Variants in KIAA2012 observed in about 807,000 individuals in gnomAD.
The protein encoded by KIAA2012 is uncharacterized protein KIAA2012.
Under a neutral mutation model 150.6 loss-of-function variants are expected in KIAA2012, and 125 were observed. The observed-to-expected ratio is 0.83, with a 90% CI of 0.72 to 0.96. The LOEUF (loss-of-function observed/expected upper bound fraction) is 0.96. Among genes scored for constraint, KIAA2012 ranks in the 40% least tolerant of loss-of-function variants. The pLI is 0.00. For missense variants in KIAA2012, 1,219 were observed against 1,354.9 expected, an observed-to-expected ratio of 0.90 and a Z score of 1.57; for synonymous variants, 462 against 504.7, an observed-to-expected ratio of 0.92 and a Z score of 1.13.
intron 15 of KIAA2012, chr2:202,179,598 A>C (rs1400456662): frequency 1.5e-6 from 1 of 666,412 alleles, no homozygotes; most frequent in Non-Finnish European, 2.9e-6. Flanking sequence ...TTGTGTACCA[A>C]GTGCCCATTC....
intron 7 of KIAA2012, among the ~76,000 whole-genome samples, chr2:202,100,967 G>T (rs1690027970): frequency 6.6e-6 from 1 of 152,166 alleles, no homozygotes; most frequent in Non-Finnish European, 1.5e-5. Context: ...GTCCTGCCTT[G>T]CAGTTCTATG....
At chr2:202,190,121 G>T in intron 18 of KIAA2012, 53 bp from the exon 19 acceptor site, 1 of 1,379,420 alleles carries the variant, frequency 7.2e-7, no homozygotes, top group South Asian at 1.5e-5. Flanking sequence ...GATGTATAGT[G>T]ATCACATTAA....
intron 21 of KIAA2012, among the ~76,000 whole-genome samples, chr2:202,195,052 G>A (rs1428934872): frequency 6.6e-6 from 1 of 151,954 alleles, no homozygotes; most frequent in Non-Finnish European, 1.5e-5. Context: ...ACAGGTGTGA[G>A]CCACCGTGCT....
At chr2:202,139,876 C>T (rs1350278598) in intron 13 of KIAA2012, among the ~76,000 whole-genome samples, 2 of 152,192 alleles carry the variant, frequency 1.3e-5, no homozygotes, top group African/African-American at 2.4e-5. Context: ...ACCCTAAACA[C>T]ACCCCAAATT....
At position 202,099,628 on chromosome 2, in the gene KIAA2012, A is replaced by G. The variant is rs758401128; in HGVS notation, c.844A>G (p.Asn282Asp). 191 of 1,549,930 alleles carry G rather than the reference A, an allele frequency of 1.2e-4. No homozygotes were observed. Among genetic ancestry groups the G allele is most frequent in the Non-Finnish European group, 1.6e-4 (181 of 1,146,702 alleles). Reference protein sequence around the residue: ...ETQAEDTSIENHLCLYASKES... With the variant: ...ETQAEDTSIEDHLCLYASKES... Reference sequence around the variant, plus strand: ...CGTTCCCTAGGACACGTCAATAGAGAATCACCTTTGTTTATATGCTTCAAA... The same window carrying G: ...CGTTCCCTAGGACACGTCAATAGAGGATCACCTTTGTTTATATGCTTCAAA... Residue 282 changes from asparagine to aspartate, a missense_variant, in exon 6 of 24, where the codon AAT (asparagine) becomes GAT (aspartate). Transcript: ENST00000498697.
At chr2:202,186,544 T>C (rs1692232193) in intron 16 of KIAA2012, among the ~76,000 whole-genome samples, 1 of 151,970 alleles carries the variant, frequency 6.6e-6, no homozygotes, top group Admixed American at 6.6e-5. Flanking sequence ...TCAGAGGGCA[T>C]AAAGGAATGA....
chr2:202,104,530 T>G lies in KIAA2012; in HGVS notation c.1325-1231T>G, dbSNP rs1191216373. Among the ~76,000 whole-genome samples, 1 of 152,186 alleles carries G rather than the reference T, an allele frequency of 6.6e-6. No homozygotes were observed. The highest frequency in any genetic ancestry group is 6.5e-5 in the Admixed American group (1 of 15,280). ...TATTGTGGTTTTCACAGAAGGAATA[T>G]GGGCAAGGCAGAGCAAGCAGCCTAA... On this transcript the variant is annotated intron_variant, in intron 8 of 23. Coordinates refer to ENST00000498697, the MANE Select transcript of KIAA2012 (RefSeq NM_001277372.4). This position sits in a 1 kb window ranked among gnomAD's most constrained non-coding sequence, Gnocchi z 4.3.
intron 15 of KIAA2012, among the ~76,000 whole-genome samples, chr2:202,169,892 G>T (rs1370496996): frequency 6.6e-6 from 1 of 152,146 alleles, no homozygotes; most frequent in Non-Finnish European, 1.5e-5. Flanking sequence ...CTGGGCCTTG[G>T]TCTCCTTTCC....
In KIAA2012 at chr2:202,073,508, GC is replaced by G. The variant is rs1189030585; in HGVS notation, c.-117del. The stretch of plus-strand genomic sequence containing the variant: ...GAGGGAAAAATGTATTTAATAAAAG[GC>G]CCTGTGTTTGTGGTCTTCTTGGGCT... On this transcript the variant is annotated 5_prime_UTR_variant, in exon 1 of 24. An upstream open reading frame in the 5' UTR loses its in-frame stop. Transcript: ENST00000498697. The G allele has an allele frequency of 1.4e-6, 1 of 737,528 alleles. No homozygotes were observed. Among genetic ancestry groups the G allele is most frequent in the Non-Finnish European group, 2.2e-6 (1 of 445,060 alleles). 45.7% of individuals were successfully genotyped at this position (737,528 alleles called of 1,614,324 possible). A position where few individuals can be genotyped will look rare whatever the true frequency, so the allele number is the denominator to read the frequency against.
chr2:202,201,031 G>A (rs1294979173), intron 22 of KIAA2012, among the ~76,000 whole-genome samples: 1 of 152,042 alleles, frequency 6.6e-6, no homozygotes, highest in African/African-American at 2.4e-5. Context: ...TAATTCTTAG[G>A]AAGATCAAGT....
chr2:202,164,925 C>A (rs1428918701), intron 14 of KIAA2012, among the ~76,000 whole-genome samples: 1 of 151,822 alleles, frequency 6.6e-6, no homozygotes, highest in Non-Finnish European at 1.5e-5. Flanking sequence ...GCCAAGCCTG[C>A]CTGGCCCTGG....
intron 11 of KIAA2012, among the ~76,000 whole-genome samples, chr2:202,124,018 G>A (rs533563977): frequency 7.2e-5 from 11 of 152,162 alleles, no homozygotes; most frequent in Non-Finnish European, 1.6e-4. Flanking sequence ...GTGAAACCCT[G>A]TTTCTACTAA....
At chr2:202,110,771 GCT>G (rs368353755) in intron 10 of KIAA2012, among the ~76,000 whole-genome samples, 195 of 152,228 alleles carry the variant, frequency 1.3e-3, no homozygotes, top group African/African-American at 4.4e-3. Flanking sequence ...AGTCTCACTT[GCT>G]CTCTGTCTCC....
At chr2:202,109,499 T>G in intron 9 of KIAA2012, 114 bp from the exon 10 acceptor site, 1 of 836,104 alleles carries the variant, frequency 1.2e-6, no homozygotes, top group South Asian at 2.3e-5. Context: ...AATTACCAGT[T>G]CTTCATAGCA....
chr2:202,200,028 T>G (rs1458438843), intron 22 of KIAA2012, among the ~76,000 whole-genome samples: 5 of 146,394 alleles, frequency 3.4e-5, no homozygotes, highest in Non-Finnish European at 7.4e-5. Context: ...CCTCCCCGGT[T>G]CAAGCGATTC....
At chr2:202,134,059 A>T (rs982362463) in intron 12 of KIAA2012, among the ~76,000 whole-genome samples, 1 of 152,116 alleles carries the variant, frequency 6.6e-6, no homozygotes, top group Non-Finnish European at 1.5e-5. Flanking sequence ...CCATGAAGTG[A>T]CTGAGGCTGA....
At chr2:202,116,215 T>C (rs6435128) in intron 11 of KIAA2012, 117,626 of 152,174 alleles carry the variant, frequency 0.77, 45,813 homozygotes, top group South Asian at 0.82. Context: ...TCAAGTCCCA[T>C]GTAAATTTAA....
chr2:202,094,945 G>A (rs74327180), intron 4 of KIAA2012, among the ~76,000 whole-genome samples: 2,146 of 152,296 alleles, frequency 0.014, 40 homozygotes, highest in Admixed American at 0.017. Context: ...GTATCAAATA[G>A]TGATTAAACA....
intron 15 of KIAA2012, among the ~76,000 whole-genome samples, chr2:202,171,223 ACC>A (rs1553561237): frequency 7.5e-6 from 1 of 134,094 alleles, no homozygotes; most frequent in Non-Finnish European, 1.6e-5. Flanking sequence ...ACACACACAC[ACC>A]CCAACTAGAG....
Sources: allele counts gnomAD v4.1 joint callset (sites outside exome capture counted in the v4.1 genomes callset), GRCh38; gene constraint gnomAD v4.1.1; non-coding constraint Gnocchi (gnomAD v3.1); transcripts MANE v1.5; gene names NCBI Gene and HGNC (gene_info 2026-07-23, HGNC 2026-07-21).